TAFA2: variants seen among roughly 807,000 people sequenced by gnomAD.
TAFA2 encodes the protein TAFA chemokine like family member 2.
Under a neutral mutation model 18.8 loss-of-function variants are expected in TAFA2, and 7 were observed. The ratio of observed to expected loss-of-function variants is 0.37; its 90% CI spans 0.21 to 0.70. TAFA2 has a LOEUF of 0.70. Ranked by LOEUF, TAFA2 falls within the 30% of genes least tolerant of loss-of-function variation. The pLI is 0.53. For synonymous variants in TAFA2, 60 were observed against 54.2 expected, an observed-to-expected ratio of 1.11 and a Z score of -0.47; for missense variants, 122 against 158.1, an observed-to-expected ratio of 0.77 and a Z score of 1.23.
chr12:61,801,025 T>C (rs1871377889), intron 2 of TAFA2, among the ~76,000 whole-genome samples: 1 of 152,054 alleles, frequency 6.6e-6, no homozygotes, highest in Admixed American at 6.6e-5. Flanking sequence ...GGAATCTCAT[T>C]TTACAATAGC....
intron 1 of TAFA2, among the ~76,000 whole-genome samples, chr12:61,941,431 G>A (rs1878007725): frequency 6.6e-6 from 1 of 152,156 alleles, no homozygotes; most frequent in African/African-American, 2.4e-5. Flanking sequence ...CCAAAATTAA[G>A]AATTTTGTTG....
chr12:61,976,422 A>G (rs1879435117), intron 1 of TAFA2, among the ~76,000 whole-genome samples: 1 of 151,988 alleles, frequency 6.6e-6, no homozygotes, highest in Non-Finnish European at 1.5e-5. Flanking sequence ...AATAAAAATC[A>G]TAAAAAACAA....
At chr12:62,176,711 G>A (rs1592383972) in intron 1 of TAFA2, among the ~76,000 whole-genome samples, 2 of 152,280 alleles carry the variant, frequency 1.3e-5, no homozygotes, top group East Asian at 3.9e-4. Flanking sequence ...CATATTCAAA[G>A]AATGCTATGG....
At chr12:62,083,554 C>T (rs1269397065) in intron 1 of TAFA2, among the ~76,000 whole-genome samples, 2 of 152,138 alleles carry the variant, frequency 1.3e-5, no homozygotes, top group Non-Finnish European at 1.5e-5. Context: ...GGGTTCTTAT[C>T]AATTTGAGCC....
intron 1 of TAFA2, among the ~76,000 whole-genome samples, chr12:62,065,606 CA>C (rs1174538583): frequency 6.6e-6 from 1 of 151,968 alleles, no homozygotes; most frequent in Non-Finnish European, 1.5e-5. Context: ...TTATTCTTAG[CA>C]TGTGTTCATA....
At chr12:61,862,729 A>G (rs1356493819) in intron 2 of TAFA2, among the ~76,000 whole-genome samples, 2 of 152,022 alleles carry the variant, frequency 1.3e-5, no homozygotes, top group African/African-American at 4.8e-5. Flanking sequence ...ATTCATACCT[A>G]TTGCTGCTTT....
chr12:62,019,323 G>A (rs1426409575), intron 1 of TAFA2, among the ~76,000 whole-genome samples: 2 of 151,774 alleles, frequency 1.3e-5, no homozygotes, highest in African/African-American at 4.9e-5. Flanking sequence ...TCCCATTACT[G>A]GGTATATACC....
At chr12:61,972,085 C>T (rs1285438179) in intron 1 of TAFA2, among the ~76,000 whole-genome samples, 1 of 149,596 alleles carries the variant, frequency 6.7e-6, no homozygotes, top group Non-Finnish European at 1.5e-5. Context: ...TTGTTTTTAA[C>T]TTTTGTTTTA....
At chr12:61,745,377 A>T (rs917116749) in intron 4 of TAFA2, among the ~76,000 whole-genome samples, 6 of 151,952 alleles carry the variant, frequency 3.9e-5, no homozygotes, top group Non-Finnish European at 7.4e-5. Context: ...CACAAGCATC[A>T]TTTCTACCCC....
At chr12:61,714,325 A>T (rs893641312) in intron 4 of TAFA2, among the ~76,000 whole-genome samples, 8 of 152,164 alleles carry the variant, frequency 5.3e-5, no homozygotes, top group Non-Finnish European at 1.0e-4. Flanking sequence ...CACACCAGCC[A>T]GTTTGGTAAG....
At chr12:61,926,929 G>T (rs1877320522) in intron 1 of TAFA2, among the ~76,000 whole-genome samples, 1 of 151,882 alleles carries the variant, frequency 6.6e-6, no homozygotes, top group African/African-American at 2.4e-5. Flanking sequence ...ACCAAAATTA[G>T]CTGGGCATGG....
At chr12:62,006,911 T>A (rs923049972) in intron 1 of TAFA2, among the ~76,000 whole-genome samples, 2 of 152,250 alleles carry the variant, frequency 1.3e-5, no homozygotes, top group African/African-American at 4.8e-5. Context: ...TGCAAGTTAC[T>A]TAAACTAACA....
intron 1 of TAFA2, among the ~76,000 whole-genome samples, chr12:62,049,896 A>G (rs1376581936): frequency 1.3e-5 from 2 of 152,224 alleles, no homozygotes; most frequent in Non-Finnish European, 2.9e-5. Context: ...ATACCACAGG[A>G]AAGTGTTGCT....
intron 1 of TAFA2, among the ~76,000 whole-genome samples, chr12:62,222,275 C>G (rs1393121329): frequency 6.6e-6 from 1 of 152,036 alleles, no homozygotes; most frequent in Admixed American, 6.6e-5. Flanking sequence ...CAGTATAAGC[C>G]ACCTACATGT....
At chr12:61,861,256 C>CTTTTTTT (rs1172711323) in intron 2 of TAFA2, among the ~76,000 whole-genome samples, 1 of 117,160 alleles carries the variant, frequency 8.5e-6, no homozygotes. Flanking sequence ...CTGGCCTCGC[C>CTTTTTTT]TTTTTTTTTT....
At position 62,215,644 on chromosome 12, in the gene TAFA2, C is replaced by CA. The variant is rs1161610677; in HGVS notation, c.-130+43118dup. ...CTCGTTTATCAAAAAAAAAAAAAAA[C>CA]AAGAGGAAGAACTTGTTTTTCTTGC... On this transcript the variant is annotated intron_variant, in intron 1 of 5. Coordinates refer to the TAFA2 transcript ENST00000551619. Among the ~76,000 whole-genome samples, 3 of 44,236 alleles carry CA rather than the reference C, an allele frequency of 6.8e-5. No homozygotes were observed. The East Asian group carries it at 2.0e-3, about 30-fold the overall frequency. 29.0% of individuals were successfully genotyped at this position (44,236 alleles called of 152,430 possible).
chr12:62,140,480 A>G (rs1175295940), intron 1 of TAFA2: 1 of 152,242 alleles, frequency 6.6e-6, no homozygotes, highest in Non-Finnish European at 1.5e-5. Context: ...AAGAGCTCTG[A>G]TGAACAGTAC....
chr12:61,726,156 C>A (rs183627043), intron 4 of TAFA2, among the ~76,000 whole-genome samples: 2 of 151,216 alleles, frequency 1.3e-5, no homozygotes, highest in East Asian at 1.9e-4. Context: ...TTGATATATA[C>A]CCATTGAATG....
intron 1 of TAFA2, among the ~76,000 whole-genome samples, chr12:61,867,733 T>G (rs1295783769): frequency 6.6e-6 from 1 of 152,162 alleles, no homozygotes; most frequent in Non-Finnish European, 1.5e-5. Flanking sequence ...TAGATTTAGT[T>G]TATTAACAAA....
Sources: gnomAD v4.1 joint callset for allele counts (sites outside exome capture counted in the v4.1 genomes callset) on GRCh38, gnomAD v4.1.1 for gene constraint, MANE v1.5 for transcripts, NCBI Gene and HGNC (gene_info 2026-07-23, HGNC 2026-07-21) for gene names.